Variants in CDH22 observed in about 807,000 individuals in gnomAD.
The protein encoded by CDH22 is cadherin 22.
Under a neutral mutation model 58.4 loss-of-function variants are expected in CDH22, and 30 were observed. The ratio of observed to expected loss-of-function variants is 0.51; its 90% CI spans 0.38 to 0.70. The LOEUF (loss-of-function observed/expected upper bound fraction) is 0.70, where lower values mean the gene tolerates loss of function less well. Ranked by LOEUF, CDH22 falls within the 30% of genes least tolerant of loss-of-function variation. CDH22 has a pLI of 0.00. For synonymous variants in CDH22, 513 were observed against 558.2 expected (o/e 0.92, Z 1.14); for missense variants, 1,014 against 1,233.9 (o/e 0.82, Z 2.67).
intron 10 of CDH22, among the ~76,000 whole-genome samples, chr20:46,184,170 C>T (rs1041942311): frequency 2.6e-5 from 4 of 151,890 alleles, no homozygotes; most frequent in African/African-American, 7.3e-5. Context: ...GAGATCTCAC[C>T]TCACTGCAAC....
At chr20:46,245,192 C>A (rs948172917) in intron 2 of CDH22, among the ~76,000 whole-genome samples, 4 of 152,164 alleles carry the variant, frequency 2.6e-5, no homozygotes, top group Non-Finnish European at 4.4e-5. Flanking sequence ...ATACAAGAAC[C>A]ACACAGACTC....
At chr20:46,202,298 G>A (rs1351996467) in intron 7 of CDH22, among the ~76,000 whole-genome samples, 1 of 151,916 alleles carries the variant, frequency 6.6e-6, no homozygotes, top group Non-Finnish European at 1.5e-5. Context: ...GGTGTACAGC[G>A]ACTCTGTCAC....
intron 4 of CDH22, among the ~76,000 whole-genome samples, chr20:46,224,893 C>T (rs2086159888): frequency 6.6e-6 from 1 of 152,246 alleles, no homozygotes; most frequent in Non-Finnish European, 1.5e-5. Context: ...GTCTGAGTGA[C>T]TGTCAAGAAA....
At chr20:46,220,849 C>T (rs1005822601) in intron 4 of CDH22, 3 of 152,456 alleles carry the variant, frequency 2.0e-5, no homozygotes, top group Admixed American at 6.5e-5. Flanking sequence ...GCCTTGTTCT[C>T]GGGATCCAGG....
intron 2 of CDH22, among the ~76,000 whole-genome samples, chr20:46,248,300 G>A (rs1198479327): frequency 6.6e-6 from 1 of 152,240 alleles, no homozygotes; most frequent in Non-Finnish European, 1.5e-5. Flanking sequence ...TTTTCAGGAT[G>A]TGGGTGGCTG....
intron 2 of CDH22, among the ~76,000 whole-genome samples, chr20:46,246,662 C>T (rs1381921659): frequency 6.6e-6 from 1 of 152,084 alleles, no homozygotes; most frequent in Non-Finnish European, 1.5e-5. Flanking sequence ...CCGCGGGGCC[C>T]AGCGGTTCCT....
chr20:46,257,682 T>C (rs113113591), intron 1 of CDH22, among the ~76,000 whole-genome samples: 2,033 of 152,288 alleles, frequency 0.013, 24 homozygotes, highest in Middle Eastern at 0.031. Flanking sequence ...AAAGCAGAGA[T>C]ACGGAGCAGG....
intron 10 of CDH22, among the ~76,000 whole-genome samples, chr20:46,181,704 T>G (rs534406591): frequency 9.0e-6 from 1 of 111,208 alleles, no homozygotes; most frequent in South Asian, 3.0e-4. Flanking sequence ...TTTCTTTTCT[T>G]TTCTTTCTTT....
chr20:46,199,920 T>C (rs2085942934), intron 7 of CDH22, among the ~76,000 whole-genome samples: 1 of 136,540 alleles, frequency 7.3e-6, no homozygotes, highest in East Asian at 2.2e-4. Context: ...TCTTTCTTTC[T>C]TTCTCTCTCT....
intron 10 of CDH22, among the ~76,000 whole-genome samples, chr20:46,185,084 T>TCAAAAAAA (rs1568650980): frequency 6.7e-6 from 1 of 149,134 alleles, no homozygotes; most frequent in African/African-American, 2.5e-5. Context: ...AGATGCTGTC[T>TCAAAAAAA]CAAACAAACA....
chr20:46,180,219 G>T (rs1050625506), intron 10 of CDH22, among the ~76,000 whole-genome samples: 3 of 152,228 alleles, frequency 2.0e-5, no homozygotes, highest in Non-Finnish European at 4.4e-5. Flanking sequence ...GTGGTCTTGG[G>T]TCAGCCCCTC....
At chr20:46,240,209 G>A (rs926034399) in intron 3 of CDH22, among the ~76,000 whole-genome samples, 5 of 152,038 alleles carry the variant, frequency 3.3e-5, no homozygotes, top group African/African-American at 4.8e-5. Flanking sequence ...TGCACACCAG[G>A]GGAGCTGGAC....
chr20:46,239,287 A>G (rs1024699525), intron 3 of CDH22, among the ~76,000 whole-genome samples: 3 of 152,250 alleles, frequency 2.0e-5, no homozygotes, highest in Non-Finnish European at 4.4e-5. Context: ...ACATGCACAC[A>G]CAGGCCTTAA....
chr20:46,271,753 T>C (rs1293455277), intron 1 of CDH22, among the ~76,000 whole-genome samples: 1 of 152,230 alleles, frequency 6.6e-6, no homozygotes, highest in African/African-American at 2.4e-5. Context: ...TGTAAATCCT[T>C]TGCAGGTGTG....
At chr20:46,297,005 G>A (rs1440283391) in intron 1 of CDH22, among the ~76,000 whole-genome samples, 1 of 152,148 alleles carries the variant, frequency 6.6e-6, no homozygotes, top group Non-Finnish European at 1.5e-5. Context: ...TGCGGGGAGG[G>A]TCTTATGGTC....
chr20:46,195,893 G>A (rs73908641), intron 8 of CDH22, among the ~76,000 whole-genome samples: 12,220 of 152,154 alleles, frequency 0.08, 631 homozygotes, highest in African/African-American at 0.13. Context: ...AACATTCTCC[G>A]AGGTGCTCAC....
At chr20:46,183,010 G>GC (rs1049136486) in intron 10 of CDH22, among the ~76,000 whole-genome samples, 31 of 149,164 alleles carry the variant, frequency 2.1e-4, no homozygotes, top group Middle Eastern at 3.5e-3. Context: ...CAGCTCTGGT[G>GC]CCCCCCCCTC....
intron 10 of CDH22, among the ~76,000 whole-genome samples, chr20:46,183,712 A>G (rs1169535192): frequency 6.6e-6 from 1 of 152,112 alleles, no homozygotes; most frequent in East Asian, 1.9e-4. Flanking sequence ...TGAGCCTTAC[A>G]TATTTTTAAC....
At chr20:46,294,079 G>A (rs546771509) in intron 1 of CDH22, among the ~76,000 whole-genome samples, 3 of 152,268 alleles carry the variant, frequency 2.0e-5, no homozygotes, top group East Asian at 1.9e-4. Context: ...CTTGTAAAAT[G>A]GGGGTAGGGG....
Sources: allele counts gnomAD v4.1 joint callset (sites outside exome capture counted in the v4.1 genomes callset), GRCh38; gene constraint gnomAD v4.1.1; transcripts MANE v1.5; gene names NCBI Gene and HGNC (gene_info 2026-07-23, HGNC 2026-07-21).